The following GC variants were observed in gnomAD, a reference collection of about 807,000 sequenced individuals.
GC encodes the protein vitamin D-binding protein.
A neutral mutation model predicts 56.7 loss-of-function variants in GC; 43 were observed. That is an observed-to-expected ratio of 0.76 (90% CI 0.59 to 0.98). The LOEUF (loss-of-function observed/expected upper bound fraction) is 0.98. Among genes scored for constraint, GC ranks in the 50% least tolerant of loss-of-function variants. The pLI is 0.00. For missense variants in GC, 529 were observed against 545.9 expected, an observed-to-expected ratio of 0.97 and a Z score of 0.31; for synonymous variants, 216 against 202.7, an observed-to-expected ratio of 1.07 and a Z score of -0.56.
At chr4:71,753,940 T>C (rs1406371050) in intron 10 of GC, among the ~76,000 whole-genome samples, 1 of 152,118 alleles carries the variant, frequency 6.6e-6, no homozygotes, top group African/African-American at 2.4e-5. Flanking sequence ...TTCCTGCAGA[T>C]AGATTTCGTC....
intron 1 of GC, among the ~76,000 whole-genome samples, chr4:71,797,649 G>C (rs1482514792): frequency 3.3e-5 from 5 of 152,242 alleles, no homozygotes; most frequent in Non-Finnish European, 7.3e-5. Context: ...GCCCCGCCCT[G>C]CTTTGGCTCG....
At chr4:71,803,843 A>C in intron 1 of GC, 1 of 780,674 alleles carries the variant, frequency 1.3e-6, no homozygotes, top group Non-Finnish European at 2.2e-6. Context: ...TAGTCAGAAC[A>C]TTGTAAATTC....
In GC at chr4:71,768,291, A is replaced by G. The variant is rs1359179192; in HGVS notation, c.261+10T>C. ...GGCTGCCACAGAGACGGCCAGCCAC[A>G]GAAACCTACCCTGGTGTCATAGCAG... is the stretch of plus-strand genomic sequence containing the variant. On this transcript the variant is annotated intron_variant, in intron 3 of 12. Transcript: ENST00000273951. The G allele has an allele frequency of 6.3e-7, 1 of 1,580,702 alleles. No homozygotes were observed. Among genetic ancestry groups the G allele is most frequent in the South Asian group, 1.1e-5 (1 of 87,066 alleles).
At chr4:71,761,914 C>A (rs1039186645) in intron 6 of GC, among the ~76,000 whole-genome samples, 8 of 152,192 alleles carry the variant, frequency 5.3e-5, no homozygotes, top group African/African-American at 1.4e-4. Context: ...AGGGGCAGGG[C>A]TCTCATGGAG....
At chr4:71,771,335 AT>A (rs200508401) in intron 1 of GC, among the ~76,000 whole-genome samples, 110 of 148,458 alleles carry the variant, frequency 7.4e-4, no homozygotes, top group African/African-American at 1.8e-3. Flanking sequence ...AAAGGGTTGT[AT>A]TTTTTTTTTT....
intron 1 of GC, among the ~76,000 whole-genome samples, chr4:71,803,683 C>T (rs1743300557): frequency 6.6e-6 from 1 of 152,218 alleles, no homozygotes. Flanking sequence ...TCGCTCTCAA[C>T]ATACTCTGTC....
At chr4:71,804,353 T>A (rs1743315204), upstream of GC, among the ~76,000 whole-genome samples, 1 of 152,204 alleles carries the variant, frequency 6.6e-6, no homozygotes, top group African/African-American at 2.4e-5. Context: ...AGCATTATTT[T>A]TCCCCCTTTT....
upstream of GC, among the ~76,000 whole-genome samples, chr4:71,784,784 A>T (rs1742792640): frequency 6.6e-6 from 1 of 151,752 alleles, no homozygotes; most frequent in South Asian, 2.1e-4. Context: ...GACTCCCTAC[A>T]GTGATTTTAA....
intron 9 of GC, 69 bp from the exon 10 acceptor site, chr4:71,754,577 T>A (rs761316644): frequency 1.2e-6 from 1 of 826,926 alleles, no homozygotes; most frequent in Non-Finnish European, 2.0e-6. Flanking sequence ...AGCCATTAAA[T>A]CAAAATTCCA....
chr4:71,773,407 G>C (rs547918771), intron 1 of GC, among the ~76,000 whole-genome samples: 139 of 152,104 alleles, frequency 9.1e-4, no homozygotes, highest in Non-Finnish European at 1.7e-3. Flanking sequence ...CCTTACCTCT[G>C]CCAACAGAGT....
intron 1 of GC, among the ~76,000 whole-genome samples, chr4:71,770,215 AGGACTGGGTGG>A (rs1742301378): frequency 6.6e-6 from 1 of 152,134 alleles, no homozygotes; most frequent in African/African-American, 2.4e-5. Flanking sequence ...AACAAAGCAG[AGGACTGGGTGG>A]GAAGTTGTCA....
intron 11 of GC, among the ~76,000 whole-genome samples, chr4:71,747,258 T>A (rs6845925): frequency 0.14 from 21,212 of 152,052 alleles, 3,614 homozygotes; most frequent in African/African-American, 0.39. Flanking sequence ...ACAGTTGGAT[T>A]AAAAATCCTA....
In GC at chr4:71,793,816, G is replaced by T. The variant is rs553013897; in HGVS notation, c.22-9762C>A. 3.4e-3 allele frequency among the ~76,000 whole-genome samples: 522 copies of T among 152,074 alleles called. 6 individuals carry two copies. Among genetic ancestry groups the T allele is most frequent in the African/African-American group, 0.012 (500 of 41,506 alleles). ...TTTGTGATAAATAGCTCTTATTATTGTGAGATACGTTCCATCAATACCTAG... is the reference window on the plus strand; with the variant it reads ...TTTGTGATAAATAGCTCTTATTATTTTGAGATACGTTCCATCAATACCTAG... On this transcript the variant is annotated intron_variant, in intron 1 of 13. Transcript: ENST00000504199.
At chr4:71,798,393 G>A (rs1055070788) in intron 1 of GC, among the ~76,000 whole-genome samples, 2 of 152,146 alleles carry the variant, frequency 1.3e-5, no homozygotes, top group Non-Finnish European at 2.9e-5. Flanking sequence ...TACAAGTGCA[G>A]TAATTTTGCT....
Position 71,758,146 on chromosome 4 carries a change from C to A in GC, c.727G>T (p.Val243Leu). The change falls in exon 7 of 13, where the codon GTG becomes TTG. Residue 243 changes from valine to leucine, a missense_variant. Coordinates refer to ENST00000273951, the MANE Select transcript of GC (RefSeq NM_000583.4). ...LSNLIKLAQK[V>L]PTADLEDVLP... is the part of the protein sequence containing the mutation. ...ACATCCTCCAGATCAGCAGTAGGCA[C>A]TTTTTGGGCTAACTTTATGAGATTG... 6.2e-7 allele frequency: 1 copy of A among 1,613,148 alleles called. No individual in the cohort carries two copies. The highest frequency in any genetic ancestry group is 1.7e-5 in the Admixed American group (1 of 59,974).
upstream of GC, among the ~76,000 whole-genome samples, chr4:71,804,377 G>T (rs993379435): frequency 1.3e-5 from 2 of 152,286 alleles, no homozygotes; most frequent in East Asian, 3.9e-4. Context: ...GAGCAGTCAC[G>T]CAGTGTGGGC....
At chr4:71,768,110 G>A (rs1161285161) in intron 3 of GC, among the ~76,000 whole-genome samples, 191 bp downstream of exon 3, 5 of 152,132 alleles carry the variant, frequency 3.3e-5, no homozygotes, top group Admixed American at 2.0e-4. Flanking sequence ...TTTGAACCTT[G>A]TAGGAATAAT....
chr4:71,795,409 G>A (rs1223789698), intron 1 of GC, among the ~76,000 whole-genome samples: 1 of 152,168 alleles, frequency 6.6e-6, no homozygotes, highest in Non-Finnish European at 1.5e-5. Flanking sequence ...TTACCATTAT[G>A]TAATGGCCTT....
intron 1 of GC, among the ~76,000 whole-genome samples, chr4:71,797,136 C>T (rs182017319): frequency 1.8e-4 from 27 of 152,324 alleles, no homozygotes; most frequent in Admixed American, 1.0e-3. Context: ...TTAGGCTACA[C>T]GGGGTCAGGG....
Sources: gnomAD v4.1 joint callset for allele counts (sites outside exome capture counted in the v4.1 genomes callset) on GRCh38, gnomAD v4.1.1 for gene constraint, MANE v1.5 for transcripts, NCBI Gene and HGNC (gene_info 2026-07-23, HGNC 2026-07-21) for gene names.